Variants in BCL2 observed in about 807,000 individuals in gnomAD.
BCL2 encodes the protein apoptosis regulator Bcl-2.
BCL2 carries 1 observed loss-of-function variant against 14.2 expected under a neutral mutation model. The ratio of observed to expected loss-of-function variants is 0.07; its 90% CI spans 0.02 to 0.33. BCL2 has a LOEUF of 0.33. Among genes scored for constraint, BCL2 ranks in the 10% least tolerant of loss-of-function variants. The probability of loss-of-function intolerance (pLI) is 0.99; values close to 1 mark genes in which losing one functional copy is unlikely to be tolerated. For missense variants in BCL2, 247 were observed against 305.9 expected (o/e 0.81, Z 1.44); for synonymous variants, 151 against 137.2 (o/e 1.10, Z -0.70).
chr18:63,284,911 G>A (rs780573666), intron 2 of BCL2, among the ~76,000 whole-genome samples: 75 of 152,272 alleles, frequency 4.9e-4, no homozygotes, highest in South Asian at 1.9e-3. Context: ...AGGCTCCAGG[G>A]GCTGGCTCCC....
intron 2 of BCL2, among the ~76,000 whole-genome samples, chr18:63,230,221 C>T (rs899023686): frequency 6.6e-6 from 1 of 152,122 alleles, no homozygotes; most frequent in Non-Finnish European, 1.5e-5. Flanking sequence ...ACCACAATCC[C>T]TAAACCCAAG....
At chr18:63,306,646 G>A (rs934397136) in intron 2 of BCL2, among the ~76,000 whole-genome samples, 1 of 152,078 alleles carries the variant, frequency 6.6e-6, no homozygotes, top group South Asian at 2.1e-4. Context: ...CCCCTTCCTG[G>A]GAAGACTTCC....
At chr18:63,198,207 C>T (rs78864837) in intron 2 of BCL2, among the ~76,000 whole-genome samples, 1 of 151,566 alleles carries the variant, frequency 6.6e-6, no homozygotes, top group South Asian at 2.1e-4. Context: ...GAGACACACA[C>T]AGACACACAC....
At chr18:63,246,367 G>A (rs530183389) in intron 2 of BCL2, among the ~76,000 whole-genome samples, 5 of 152,254 alleles carry the variant, frequency 3.3e-5, no homozygotes, top group South Asian at 2.1e-4. Flanking sequence ...GTATTAGTCC[G>A]TGTTCACGCT....
chr18:63,236,988 G>A (rs1910855401), intron 2 of BCL2, among the ~76,000 whole-genome samples: 1 of 151,962 alleles, frequency 6.6e-6, no homozygotes, highest in Admixed American at 6.6e-5. Flanking sequence ...GGGAGCTTCC[G>A]CATTTATTAT....
At chr18:63,143,794 A>G (rs1435103973) in intron 2 of BCL2, among the ~76,000 whole-genome samples, 1 of 152,238 alleles carries the variant, frequency 6.6e-6, no homozygotes, top group African/African-American at 2.4e-5. Flanking sequence ...GCCATTGCAG[A>G]AACCTTGGAG....
chr18:63,310,210 A>G (rs1004541903), intron 2 of BCL2, among the ~76,000 whole-genome samples: 7 of 152,210 alleles, frequency 4.6e-5, no homozygotes, highest in African/African-American at 1.7e-4. Context: ...ATGGATGTGG[A>G]ACCCAAAGAT....
chr18:63,198,567 CAT>C (rs1263050927), intron 2 of BCL2, among the ~76,000 whole-genome samples: 5 of 148,976 alleles, frequency 3.4e-5, no homozygotes, highest in Non-Finnish European at 6.0e-5. Flanking sequence ...CACAGACACA[CAT>C]TGACACACAG....
At chr18:63,182,242 A>G (rs571338834) in intron 2 of BCL2, among the ~76,000 whole-genome samples, 1 of 152,304 alleles carries the variant, frequency 6.6e-6, no homozygotes, top group South Asian at 2.1e-4. Context: ...GTGGACAGCC[A>G]AGGTTGGAAG....
chr18:63,246,940 A>G lies in BCL2; in HGVS notation c.585+71142T>C, dbSNP rs552643193. ...AAATAGCCTCAATTAATGATCATCT[A>G]GGTTAGTTTATGTAGGTAATGATCA... On this transcript the variant is annotated intron_variant, in intron 2 of 2. Transcript: ENST00000333681. 7.9e-5 allele frequency among the ~76,000 whole-genome samples: 12 copies of G among 152,338 alleles called. 1 individual carries two copies. Among genetic ancestry groups the G allele is most frequent in the Admixed American group, 7.2e-4 (11 of 15,306 alleles).
In BCL2 at chr18:63,318,923, T is replaced by G. The variant is rs1913604107; in HGVS notation, c.-257A>C. The G allele has an allele frequency of 2.9e-6, 4 of 1,385,354 alleles. No individual in the cohort carries two copies. The highest frequency in any genetic ancestry group is 3.8e-6 in the Non-Finnish European group (4 of 1,064,438). 85.8% of individuals were successfully genotyped at this position (1,385,354 alleles called of 1,614,324 possible). A position where few individuals can be genotyped will look rare whatever the true frequency, so the allele number is the denominator to read the frequency against. ...GAGGCACGTTATTATTAGTAAGTATTGTTAATATCAGTCTACTTCCTCTGT... is the reference window on the plus strand; with the variant it reads ...GAGGCACGTTATTATTAGTAAGTATGGTTAATATCAGTCTACTTCCTCTGT... On this transcript the variant is annotated 5_prime_UTR_variant, in exon 2 of 3. Transcript: ENST00000333681. The surrounding 1 kb of genome is among the most constrained non-coding windows in gnomAD (Gnocchi z 7.4).
chr18:63,283,697 T>C (rs1272195687), intron 2 of BCL2, among the ~76,000 whole-genome samples: 1 of 152,182 alleles, frequency 6.6e-6, no homozygotes, highest in East Asian at 1.9e-4. Flanking sequence ...CAAATAACTT[T>C]CCCTATGTGG....
chr18:63,221,495 T>C (rs1049122630), intron 2 of BCL2, among the ~76,000 whole-genome samples: 5 of 152,120 alleles, frequency 3.3e-5, no homozygotes, highest in Non-Finnish European at 7.4e-5. Flanking sequence ...AAAGATAAAA[T>C]TGAAGCCAGA....
chr18:63,129,000 T>A (rs915664129), intron 2 of BCL2, among the ~76,000 whole-genome samples: 1 of 152,190 alleles, frequency 6.6e-6, no homozygotes, highest in Non-Finnish European at 1.5e-5. Context: ...CAGCAGTGCA[T>A]AAAATAGACT....
Position 63,127,221 on chromosome 18 carries a change from C to T in BCL2, c.*1404G>A. 1 of 230,560 alleles carries T rather than the reference C, an allele frequency of 4.3e-6. No individual in the cohort carries two copies. Among genetic ancestry groups the T allele is most frequent in the Non-Finnish European group, 8.6e-6 (1 of 116,290 alleles). 14.3% of individuals were successfully genotyped at this position (230,560 alleles called of 1,614,324 possible). A position where few individuals can be genotyped will look rare whatever the true frequency, so the allele number is the denominator to read the frequency against. ...AATGCTTCTTTTAGGATTTGTGACC[C>T]TCTCCAAAGTCATTTAAAGCCTTGC... On this transcript the variant is annotated 3_prime_UTR_variant, in exon 3 of 3. Transcript: ENST00000333681.
At chr18:63,289,028 G>T (rs922392668) in intron 2 of BCL2, among the ~76,000 whole-genome samples, 5 of 152,316 alleles carry the variant, frequency 3.3e-5, no homozygotes, top group Non-Finnish European at 5.9e-5. Flanking sequence ...AACAAGTAAA[G>T]TAAGAGATAG....
At chr18:63,268,020 T>A (rs563610455) in intron 2 of BCL2, among the ~76,000 whole-genome samples, 2 of 152,370 alleles carry the variant, frequency 1.3e-5, no homozygotes, top group African/African-American at 4.8e-5. Context: ...GCGATGCCTT[T>A]ATTTTCTCTA....
intron 2 of BCL2, among the ~76,000 whole-genome samples, chr18:63,183,821 C>A (rs1915532140): frequency 6.6e-6 from 1 of 152,180 alleles, no homozygotes; most frequent in African/African-American, 2.4e-5. Flanking sequence ...TTGCTCTCTT[C>A]TTTTTCCCAT....
intron 2 of BCL2, among the ~76,000 whole-genome samples, chr18:63,199,000 T>TAC (rs1453501592): frequency 6.6e-5 from 1 of 15,078 alleles, no homozygotes; most frequent in African/African-American, 2.5e-4. Context: ...CCCACAGACA[T>TAC]ACACAGACAC....
Sources: gnomAD v4.1 joint callset for allele counts (sites outside exome capture counted in the v4.1 genomes callset) on GRCh38, gnomAD v4.1.1 for gene constraint, Gnocchi (gnomAD v3.1) non-coding constraint, MANE v1.5 for transcripts, NCBI Gene and HGNC (gene_info 2026-07-23, HGNC 2026-07-21) for gene names.